Variants in CLIP1 observed in about 807,000 individuals in gnomAD.
The protein encoded by CLIP1 is CAP-Gly domain containing linker protein 1.
In CLIP1, 66 loss-of-function variants were observed where a neutral mutation model predicts 161.6. The observed-to-expected ratio is 0.41, with a 90% CI of 0.33 to 0.50. The LOEUF (loss-of-function observed/expected upper bound fraction) is 0.50. CLIP1 is among the 20% of genes least tolerant of loss of function. The pLI is 0.27. For missense variants in CLIP1, 1,376 were observed against 1,702.0 expected, an observed-to-expected ratio of 0.81 and a Z score of 3.37; for synonymous variants, 598 against 626.2, an observed-to-expected ratio of 0.96 and a Z score of 0.67.
intron 1 of CLIP1, among the ~76,000 whole-genome samples, chr12:122,381,279 T>A (rs1463894410): frequency 6.6e-6 from 1 of 152,184 alleles, no homozygotes; most frequent in Non-Finnish European, 1.5e-5. Flanking sequence ...CTATATTTTT[T>A]AAATCCACAG....
At chr12:122,288,876 C>T (rs187391721) in intron 20 of CLIP1, among the ~76,000 whole-genome samples, 5 of 137,716 alleles carry the variant, frequency 3.6e-5, no homozygotes, top group South Asian at 2.2e-4. Flanking sequence ...AGTGCAGTGG[C>T]GTGATCTCGG....
chr12:122,394,240 A>T (rs1333127409), intron 1 of CLIP1, among the ~76,000 whole-genome samples: 15 of 152,194 alleles, frequency 9.9e-5, no homozygotes, highest in Non-Finnish European at 8.8e-5. Context: ...CTGTAATCCC[A>T]GTACTTTGGG....
chr12:122,420,840 C>G (rs890270248), intron 1 of CLIP1, among the ~76,000 whole-genome samples: 1 of 151,726 alleles, frequency 6.6e-6, no homozygotes, highest in Non-Finnish European at 1.5e-5. Flanking sequence ...GAGGCTGAGG[C>G]ACGAGAATCG....
At chr12:122,321,255 T>TC (rs1951490072) in intron 17 of CLIP1, among the ~76,000 whole-genome samples, 1 of 151,778 alleles carries the variant, frequency 6.6e-6, no homozygotes, top group African/African-American at 2.4e-5. Flanking sequence ...TTTTTTTTTT[T>TC]CCCTTGAGAC....
At chr12:122,344,993 G>GA (rs11385321) in intron 10 of CLIP1, among the ~76,000 whole-genome samples, 119,377 of 151,718 alleles carry the variant, frequency 0.79, 47,310 homozygotes, top group African/African-American at 0.86. Flanking sequence ...TCTAGAGCAG[G>GA]AAAAAAAACA....
intron 20 of CLIP1, among the ~76,000 whole-genome samples, chr12:122,289,877 C>T (rs202059684): frequency 1.2e-4 from 18 of 151,040 alleles, no homozygotes; most frequent in South Asian, 8.4e-4. Flanking sequence ...GGTGCAATCT[C>T]GGCTCACTGC....
At chr12:122,362,003 G>A (rs910265793) in intron 4 of CLIP1, among the ~76,000 whole-genome samples, 2 of 151,668 alleles carry the variant, frequency 1.3e-5, no homozygotes, top group African/African-American at 4.8e-5. Flanking sequence ...GCCCAGGCTG[G>A]AGTGCAGCGG....
chr12:122,296,774 G>GGATT, intron 20 of CLIP1, among the ~76,000 whole-genome samples: 1 of 151,106 alleles, frequency 6.6e-6, no homozygotes, highest in South Asian at 2.1e-4. Context: ...TGAGGCAGGA[G>GGATT]GATTCCTTGA....
chr12:122,320,183 T>C lies in CLIP1; in HGVS notation c.3250-835A>G, dbSNP rs576306710. On this transcript the variant is annotated intron_variant, in intron 17 of 25. Transcript: ENST00000620786. ...CTTGGGAGGTGGGGCAGGAGAATGG[T>C]GTGAACCTGGGAGGCGGAGGTTGCA... is the stretch of plus-strand genomic sequence containing the variant. 1.5e-3 allele frequency among the ~76,000 whole-genome samples: 219 copies of C among 149,954 alleles called. 3 individuals are homozygous for C. The highest frequency in any genetic ancestry group is 1.7e-3 in the Non-Finnish European group (117 of 67,644).
chr12:122,347,570 A>G, intron 9 of CLIP1, 91 bp from the exon 10 acceptor site: 1 of 928,278 alleles, frequency 1.1e-6, no homozygotes, highest in Non-Finnish European at 1.8e-6. Context: ...AGGCTGAGCC[A>G]CCAGTACCTT....
At position 122,361,915 on chromosome 12, in the gene CLIP1, C is replaced by A. The variant is rs1056629845; in HGVS notation, c.783-734G>T. Reference sequence around the variant, plus strand: ...AAGAAGTTATTCATATAACCAAACACCATCTGTTCCCCAAAAACCTATTGA... The same window carrying A: ...AAGAAGTTATTCATATAACCAAACAACATCTGTTCCCCAAAAACCTATTGA... On this transcript the variant is annotated intron_variant, in intron 4 of 25. Coordinates refer to ENST00000620786, the MANE Select transcript of CLIP1 (RefSeq NM_001247997.2). 5.9e-5 allele frequency among the ~76,000 whole-genome samples: 9 copies of A among 152,184 alleles called. No homozygotes were observed. In the Middle Eastern group the frequency reaches 0.01, roughly 173 times the overall value.
At chr12:122,322,081 C>CT (rs1400771706) in intron 17 of CLIP1, 2 of 152,646 alleles carry the variant, frequency 1.3e-5, no homozygotes, top group Non-Finnish European at 2.9e-5. Context: ...AGTAAGCAGT[C>CT]TGGGTGCTCA....
At position 122,360,853 on chromosome 12, in the gene CLIP1, T is replaced by C; in HGVS notation, c.1005+106A>G. 3 of 905,140 alleles carry C rather than the reference T, an allele frequency of 3.3e-6. No individual in the cohort carries two copies. The South Asian group carries it at 6.3e-5, about 19-fold the overall frequency. 56.1% of individuals were successfully genotyped at this position (905,140 alleles called of 1,614,324 possible). On this transcript the variant is annotated intron_variant, in intron 5 of 25. Transcript: ENST00000620786. ...TCACAGCAAAAGCTGTGAGCAACAT[T>C]CAGCACAAGGACAAGCAAAGCAGCA...
chr12:122,274,046 AT>A lies in CLIP1; in HGVS notation c.4082del (p.Asn1361IlefsTer98). On this transcript the variant is annotated frameshift_variant, in exon 25 of 26. Transcript: ENST00000620786. LOFTEE classifies it high-confidence loss of function. ...GTCTTCATATGAAATACCTGTCATA[AT>A]TGTTTAGGTCATCCCCGTTCCCATT... ...ALNGNGDDLNNYDSDDQEKQS... is the reference protein window; with the variant it reads ...ALNGNGDDLNXYDSDDQEKQS... 6.2e-7 allele frequency: 1 copy of A among 1,613,674 alleles called. No homozygotes were observed. Among genetic ancestry groups the A allele is most frequent in the South Asian group, 1.1e-5 (1 of 91,064 alleles).
At chr12:122,413,211 CTTGA>C (rs943331143) in intron 1 of CLIP1, among the ~76,000 whole-genome samples, 1 of 152,006 alleles carries the variant, frequency 6.6e-6, no homozygotes, top group Non-Finnish European at 1.5e-5. Context: ...GGTCAAAGGC[CTTGA>C]TTAAAAGATT....
intron 13 of CLIP1, 49 bp from the exon 14 acceptor site, chr12:122,334,159 C>T (rs1952109451): frequency 8.7e-7 from 1 of 1,149,940 alleles, no homozygotes; most frequent in Non-Finnish European, 1.3e-6. Flanking sequence ...ATTTAATAAG[C>T]TATCTGGAGC....
intron 21 of CLIP1, among the ~76,000 whole-genome samples, chr12:122,288,179 C>A (rs1173588493): frequency 6.6e-6 from 1 of 152,102 alleles, no homozygotes; most frequent in Non-Finnish European, 1.5e-5. Flanking sequence ...ATTACAGGCA[C>A]CTGCCACTAT....
At chr12:122,388,800 C>T (rs766250000) in intron 1 of CLIP1, among the ~76,000 whole-genome samples, 8 of 152,042 alleles carry the variant, frequency 5.3e-5, no homozygotes, top group Non-Finnish European at 1.2e-4. Flanking sequence ...GTTTTAAACT[C>T]CTAGGCTCAA....
chr12:122,298,036 C>G (rs1950539903), intron 20 of CLIP1, among the ~76,000 whole-genome samples: 1 of 152,172 alleles, frequency 6.6e-6, no homozygotes, highest in African/African-American at 2.4e-5. Context: ...GAGCTCCCCA[C>G]GGCATTGGTC....
Sources: allele counts gnomAD v4.1 joint callset (sites outside exome capture counted in the v4.1 genomes callset), GRCh38; gene constraint gnomAD v4.1.1; transcripts MANE v1.5; gene names NCBI Gene and HGNC (gene_info 2026-07-23, HGNC 2026-07-21).